ABI1: variants seen among roughly 807,000 people sequenced by gnomAD.
ABI1 encodes the protein abl interactor 1, also known as Abelson interactor 1.
Under a neutral mutation model 54.6 loss-of-function variants are expected in ABI1, and 14 were observed. The ratio of observed to expected loss-of-function variants is 0.26; its 90% CI spans 0.17 to 0.40. The LOEUF is 0.40. Ranked by LOEUF, ABI1 falls within the 10% of genes least tolerant of loss-of-function variation. The pLI is 1.00. For synonymous variants in ABI1, 194 were observed against 209.3 expected (o/e 0.93, Z 0.63); for missense variants, 443 against 598.3 (o/e 0.74, Z 2.71).
intron 1 of ABI1, among the ~76,000 whole-genome samples, chr10:26,848,605 CTT>C (rs35694402): frequency 7.2e-4 from 77 of 107,358 alleles, no homozygotes; most frequent in East Asian, 2.3e-3. Context: ...TAAGAAGAGG[CTT>C]TTTTTTTTTT....
intron 1 of ABI1, among the ~76,000 whole-genome samples, chr10:26,826,069 C>T (rs1407101126): frequency 6.6e-6 from 1 of 152,224 alleles, no homozygotes; most frequent in Non-Finnish European, 1.5e-5. Flanking sequence ...TTCCTAATGG[C>T]ATCCAGAATG....
At chr10:26,751,210 T>G (rs1205991564) in intron 10 of ABI1, among the ~76,000 whole-genome samples, 1 of 152,192 alleles carries the variant, frequency 6.6e-6, no homozygotes, top group African/African-American at 2.4e-5. Flanking sequence ...TGAACCATCA[T>G]AAATCAGGGA....
chr10:26,799,612 A>G (rs1255895315), intron 2 of ABI1, among the ~76,000 whole-genome samples: 3 of 152,212 alleles, frequency 2.0e-5, no homozygotes, highest in African/African-American at 7.2e-5. Context: ...TTTTCAAATC[A>G]TTTCAGAGCT....
chr10:26,755,533 C>G, intron 9 of ABI1, 122 bp downstream of exon 9: 1 of 735,624 alleles, frequency 1.4e-6, no homozygotes, highest in Non-Finnish European at 2.3e-6. Flanking sequence ...AGTAACATGT[C>G]TGCACCTATT....
At chr10:26,826,274 A>G (rs919245713) in intron 1 of ABI1, among the ~76,000 whole-genome samples, 1 of 152,206 alleles carries the variant, frequency 6.6e-6, no homozygotes, top group African/African-American at 2.4e-5. Context: ...ATACATCACC[A>G]TCTTAGATGA....
At chr10:26,810,408 T>TA (rs1403026848) in intron 2 of ABI1, among the ~76,000 whole-genome samples, 3 of 151,448 alleles carry the variant, frequency 2.0e-5, no homozygotes, top group South Asian at 4.2e-4. Flanking sequence ...AAAATTATCT[T>TA]AAAAAAAAAT....
chr10:26,797,845 A>C (rs1400947430), intron 2 of ABI1, among the ~76,000 whole-genome samples: 2 of 152,216 alleles, frequency 1.3e-5, no homozygotes, highest in African/African-American at 4.8e-5. Flanking sequence ...TTGACATTAA[A>C]AGCATTTTAA....
intron 1 of ABI1, among the ~76,000 whole-genome samples, chr10:26,831,566 G>A (rs1007196632): frequency 9.2e-5 from 14 of 151,974 alleles, no homozygotes; most frequent in Non-Finnish European, 8.8e-5. Context: ...ACCTCTTTAC[G>A]TATGTTTTAT....
intron 2 of ABI1, among the ~76,000 whole-genome samples, chr10:26,791,087 A>C (rs666989): frequency 0.25 from 36,940 of 145,070 alleles, 6,190 homozygotes; most frequent in Non-Finnish European, 0.39. Flanking sequence ...AAAAAAAAAA[A>C]AAAACAGAGC....
chr10:26,801,412 T>C (rs1564517633), intron 2 of ABI1, among the ~76,000 whole-genome samples: 1 of 151,940 alleles, frequency 6.6e-6, no homozygotes, highest in Non-Finnish European at 1.5e-5. Context: ...CCAGGCGTGG[T>C]GGTATGCACC....
chr10:26,854,998 C>T (rs1021046833), intron 1 of ABI1, among the ~76,000 whole-genome samples: 4 of 150,124 alleles, frequency 2.7e-5, no homozygotes, highest in African/African-American at 9.9e-5. Flanking sequence ...AAACCCAAAA[C>T]TTCTTGAGCA....
chr10:26,768,694 A>C (rs1428954157), intron 6 of ABI1, among the ~76,000 whole-genome samples, 158 bp downstream of exon 6: 1 of 152,200 alleles, frequency 6.6e-6, no homozygotes, highest in Non-Finnish European at 1.5e-5. Context: ...TTATAACACA[A>C]ACTTACAGGA....
intron 1 of ABI1, among the ~76,000 whole-genome samples, chr10:26,848,994 C>T (rs966735102): frequency 1.3e-5 from 2 of 152,236 alleles, no homozygotes; most frequent in East Asian, 1.9e-4. Context: ...TAGTAGTATA[C>T]AATGATATTT....
At chr10:26,828,410 G>A (rs899542569) in intron 1 of ABI1, among the ~76,000 whole-genome samples, 3 of 152,100 alleles carry the variant, frequency 2.0e-5, no homozygotes, top group Non-Finnish European at 2.9e-5. Flanking sequence ...TTAGAAAAAC[G>A]GCACCAACAC....
chr10:26,764,388 G>T (rs1839631607), intron 7 of ABI1, among the ~76,000 whole-genome samples: 3 of 151,930 alleles, frequency 2.0e-5, no homozygotes. Flanking sequence ...TACATTTATT[G>T]CATTTTACTG....
chr10:26,757,026 T>G (rs990754736), intron 8 of ABI1, among the ~76,000 whole-genome samples: 8 of 152,104 alleles, frequency 5.3e-5, no homozygotes, highest in Admixed American at 5.2e-4. Flanking sequence ...TTAGAGGTTT[T>G]GACTTAAAAA....
chr10:26,808,879 G>C (rs1404643860), intron 2 of ABI1, among the ~76,000 whole-genome samples: 1 of 151,994 alleles, frequency 6.6e-6, no homozygotes, highest in Non-Finnish European at 1.5e-5. Flanking sequence ...GAGTAGGGGA[G>C]AAGGGGGAAA....
In ABI1 at chr10:26,770,353, G is replaced by A; in HGVS notation, c.478-8C>T. ...AGGCTGGTTATTTCCATGCTAAAATGTAGAAAGAAATGCTTTTATTTTTAT... is the reference window on the plus strand; with the variant it reads ...AGGCTGGTTATTTCCATGCTAAAATATAGAAAGAAATGCTTTTATTTTTAT... On this transcript the variant is annotated splice_region_variant and splice_polypyrimidine_tract_variant and intron_variant, in intron 4 of 10. Transcript: ENST00000376140. 6.2e-7 allele frequency: 1 copy of A among 1,610,444 alleles called. No individual in the cohort carries two copies. The highest frequency in any genetic ancestry group is 8.5e-7 in the Non-Finnish European group (1 of 1,176,710).
In ABI1 at chr10:26,755,680, G is replaced by T; in HGVS notation, c.1059C>A (p.Gly353=). Reference sequence around the variant, plus strand: ...TGTTTTCCTGCACCCTGGCCACGAAGCCTGTGAGAGGTATCTGTGGAGTCA... The same window carrying T: ...TGTTTTCCTGCACCCTGGCCACGAATCCTGTGAGAGGTATCTGTGGAGTCA... ...PQLTPQIPLT[G]FVARVQENIA... Residue 353 remains glycine (G), a synonymous_variant, in exon 9 of 11, where the codon GGC becomes GGA. Transcript: ENST00000376140. The T allele has an allele frequency of 1.2e-6, 2 of 1,613,566 alleles. No individual in the cohort carries two copies. Among genetic ancestry groups the T allele is most frequent in the Non-Finnish European group, 1.7e-6 (2 of 1,179,640 alleles).
Sources: allele counts gnomAD v4.1 joint callset (sites outside exome capture counted in the v4.1 genomes callset), GRCh38; gene constraint gnomAD v4.1.1; transcripts MANE v1.5; gene names NCBI Gene and HGNC (gene_info 2026-07-23, HGNC 2026-07-21).